NCAPG2: variants seen among roughly 807,000 people sequenced by gnomAD.
NCAPG2 encodes the protein condensin-2 complex subunit G2.
Under a neutral mutation model 141.1 loss-of-function variants are expected in NCAPG2, and 53 were observed. The ratio of observed to expected loss-of-function variants is 0.38; its 90% CI spans 0.30 to 0.47. NCAPG2 has a LOEUF of 0.47. NCAPG2 is among the 20% of genes least tolerant of loss of function. The pLI is 0.99. For synonymous variants in NCAPG2, 499 were observed against 490.7 expected, an observed-to-expected ratio of 1.02 and a Z score of -0.22; for missense variants, 1,087 against 1,389.0, an observed-to-expected ratio of 0.78 and a Z score of 3.46.
At chr7:158,692,044 C>A (rs1030717945) in intron 4 of NCAPG2, among the ~76,000 whole-genome samples, 4 of 152,220 alleles carry the variant, frequency 2.6e-5, no homozygotes, top group Non-Finnish European at 5.9e-5. Context: ...ATGGCTCATG[C>A]CTGTAATCCC....
At chr7:158,650,106 T>C (rs1743885351) in intron 24 of NCAPG2, among the ~76,000 whole-genome samples, 1 of 152,114 alleles carries the variant, frequency 6.6e-6, no homozygotes, top group Non-Finnish European at 1.5e-5. Context: ...CAGGCTGGAG[T>C]CCAATGGCGT....
At chr7:158,694,222 A>G (rs1835298110) in intron 2 of NCAPG2, among the ~76,000 whole-genome samples, 2 of 152,228 alleles carry the variant, frequency 1.3e-5, no homozygotes, top group Admixed American at 1.3e-4. Context: ...TCTAAAAAGA[A>G]AAAATCAATG....
intron 19 of NCAPG2, 67 bp from the exon 20 acceptor site, chr7:158,655,522 G>T: frequency 7.6e-7 from 1 of 1,308,416 alleles, no homozygotes; most frequent in Non-Finnish European, 1.1e-6. Context: ...CGTACAGCAA[G>T]AACAATGGGA....
chr7:158,667,898 T>TC (rs766800185), intron 13 of NCAPG2, among the ~76,000 whole-genome samples: 1 of 470 alleles, frequency 2.1e-3, no homozygotes, highest in South Asian at 0.12. Flanking sequence ...CCCTCCGCCC[T>TC]CCTTACCCAC....
At chr7:158,639,893 T>C in intron 27 of NCAPG2, 2 of 966,000 alleles carry the variant, frequency 2.1e-6, no homozygotes, top group Non-Finnish European at 2.5e-6. Context: ...GCAGCTGTTT[T>C]GATAGAATGA....
intron 27 of NCAPG2, among the ~76,000 whole-genome samples, chr7:158,643,624 T>C (rs996195692): frequency 1.3e-5 from 2 of 152,232 alleles, no homozygotes; most frequent in Non-Finnish European, 2.9e-5. Flanking sequence ...GAAGTAGCTA[T>C]GGAGAGTGGT....
intron 9 of NCAPG2, 80 bp from the exon 10 acceptor site, chr7:158,680,896 C>G: frequency 9.5e-7 from 1 of 1,053,410 alleles, no homozygotes; most frequent in Non-Finnish European, 1.4e-6. Flanking sequence ...GAAAGAGCAA[C>G]AGGGAGAATT....
chr7:158,652,718 G>A (rs954479342), intron 22 of NCAPG2, among the ~76,000 whole-genome samples: 4 of 152,316 alleles, frequency 2.6e-5, no homozygotes, highest in South Asian at 2.1e-4. Flanking sequence ...TTCAATAACA[G>A]TAATAGTGTA....
At chr7:158,681,106 A>G (rs940649469) in intron 9 of NCAPG2, among the ~76,000 whole-genome samples, 2 of 152,232 alleles carry the variant, frequency 1.3e-5, no homozygotes, top group African/African-American at 2.4e-5. Flanking sequence ...CAACAGCCAC[A>G]TAACCTCAAA....
At chr7:158,634,143 C>T (rs547993022) in intron 27 of NCAPG2, among the ~76,000 whole-genome samples, 17 of 152,130 alleles carry the variant, frequency 1.1e-4, no homozygotes, top group African/African-American at 3.9e-4. Context: ...GTACAGTTAA[C>T]CCTCACTATC....
chr7:158,658,444 T>C lies in NCAPG2; in HGVS notation c.1990-36A>G, dbSNP rs766944032. The C allele has an allele frequency of 3.9e-6, 6 of 1,536,922 alleles. No homozygotes were observed. In the South Asian group the frequency reaches 7.3e-5, roughly 19 times the overall value. On this transcript the variant is annotated intron_variant, in intron 16 of 27. Coordinates refer to ENST00000356309, the MANE Select transcript of NCAPG2 (RefSeq NM_017760.7). ...AAAAAGAAAAACAAAACAAAGCATA[T>C]GTAAGCACTATAAATTCTGAAAGTC...
chr7:158,669,893 A>T (rs1179244751), intron 13 of NCAPG2, among the ~76,000 whole-genome samples: 4 of 151,620 alleles, frequency 2.6e-5, no homozygotes, highest in Non-Finnish European at 5.9e-5. Flanking sequence ...CTCCCACCTC[A>T]GCTTCCCAAA....
At position 158,668,137 on chromosome 7, in the gene NCAPG2, T is replaced by G. The variant is rs1222779299; in HGVS notation, c.1479+3377A>C. ...ACTGGGTCCCTCCGCCCTCCTTACCTACCCTCTGGCCCTCCACCCTCTTAC... is the reference window on the plus strand; with the variant it reads ...ACTGGGTCCCTCCGCCCTCCTTACCGACCCTCTGGCCCTCCACCCTCTTAC... On this transcript the variant is annotated intron_variant, in intron 13 of 27. Transcript: ENST00000356309. 3 of 94,656 alleles carry G rather than the reference T, an allele frequency of 3.2e-5. 1 individual carries two copies. The highest frequency in any genetic ancestry group is 1.7e-4 in the African/African-American group (3 of 17,208). 5.9% of individuals were successfully genotyped at this position (94,656 alleles called of 1,614,324 possible).
At chr7:158,694,615 T>G (rs576371805) in intron 2 of NCAPG2, among the ~76,000 whole-genome samples, 1 of 152,272 alleles carries the variant, frequency 6.6e-6, no homozygotes, top group African/African-American at 2.4e-5. Context: ...AGATGCAAAT[T>G]GAAGGCTATA....
chr7:158,664,824 T>G, intron 13 of NCAPG2, 74 bp from the exon 14 acceptor site: 1 of 1,308,818 alleles, frequency 7.6e-7, no homozygotes, highest in Non-Finnish European at 1.0e-6. Flanking sequence ...TAAGAAAAAT[T>G]TCAAGCACAA....
At chr7:158,672,838 G>A (rs1006404330) in intron 12 of NCAPG2, among the ~76,000 whole-genome samples, 3 of 152,092 alleles carry the variant, frequency 2.0e-5, no homozygotes, top group Non-Finnish European at 4.4e-5. Context: ...CACAGCCCCT[G>A]TAGCCCCTGC....
chr7:158,656,541 T>A lies in NCAPG2; in HGVS notation c.2214+11A>T. ...CTCACCTAATTTTAAGGAAACATGA[T>A]GTCAACCTACCTTGGCCTGGGCATG... On this transcript the variant is annotated intron_variant, in intron 18 of 27. Coordinates refer to ENST00000356309, the MANE Select transcript of NCAPG2 (RefSeq NM_017760.7). The A allele has an allele frequency of 6.2e-7, 1 of 1,613,676 alleles. No individual in the cohort carries two copies. Among genetic ancestry groups the A allele is most frequent in the South Asian group, 1.1e-5 (1 of 91,004 alleles).
intron 12 of NCAPG2, among the ~76,000 whole-genome samples, chr7:158,674,030 T>C (rs536384401): frequency 1.3e-5 from 2 of 152,296 alleles, no homozygotes; most frequent in South Asian, 2.1e-4. Context: ...GAAATGGAGA[T>C]AGACTATTTA....
chr7:158,641,151 C>A, intron 27 of NCAPG2: 1 of 204,912 alleles, frequency 4.9e-6, no homozygotes, highest in Non-Finnish European at 9.6e-6. Flanking sequence ...AACTGATATG[C>A]TAGGAAAGAA....
Sources: allele counts gnomAD v4.1 joint callset (sites outside exome capture counted in the v4.1 genomes callset), GRCh38; gene constraint gnomAD v4.1.1; transcripts MANE v1.5; gene names NCBI Gene and HGNC (gene_info 2026-07-23, HGNC 2026-07-21).